Variants in GLS observed in about 807,000 individuals in gnomAD.
GLS encodes the protein glutaminase kidney isoform, mitochondrial.
A neutral mutation model predicts 86.7 loss-of-function variants in GLS; 36 were observed. That is an observed-to-expected ratio of 0.42 (90% CI 0.32 to 0.55). The LOEUF (loss-of-function observed/expected upper bound fraction) is 0.55. Among genes scored for constraint, GLS ranks in the 20% least tolerant of loss-of-function variants. The pLI is 0.17. For synonymous variants in GLS, 317 were observed against 305.9 expected (o/e 1.04, Z -0.38); for missense variants, 528 against 833.4 (o/e 0.63, Z 4.51).
Position 190,923,945 on chromosome 2 carries a change from C to A in GLS, c.1159C>A (p.Arg387=). The A allele has an allele frequency of 1.3e-6, 2 of 1,566,066 alleles. No individual in the cohort carries two copies. The highest frequency in any genetic ancestry group is 1.2e-5 in the South Asian group (1 of 86,396). Residue 387 remains arginine, a synonymous_variant, in exon 10 of 18, where the codon CGA becomes AGA. Coordinates refer to ENST00000320717, the MANE Select transcript of GLS (RefSeq NM_014905.5). Reference sequence around the variant, plus strand: ...TCAGTCTGAAAGAGAAAGTGGAGATCGAAATTTTGCAATAGGATATTACTT... The same window carrying A: ...TCAGTCTGAAAGAGAAAGTGGAGATAGAAATTTTGCAATAGGATATTACTT... ...TFQSERESGD[R]NFAIGYYLKE...
At chr2:190,918,667 A>G (rs1255565929) in intron 7 of GLS, among the ~76,000 whole-genome samples, 1 of 152,184 alleles carries the variant, frequency 6.6e-6, no homozygotes, top group Non-Finnish European at 1.5e-5. Context: ...ACTTTGGTGC[A>G]AGAGGCTCAA....
chr2:190,900,427 C>A (rs1688898769), intron 3 of GLS, 137 bp from the exon 4 acceptor site: 1 of 460,696 alleles, frequency 2.2e-6, no homozygotes, highest in Admixed American at 3.7e-5. Context: ...ATGTAGAAAG[C>A]ATAATTTATA....
rs149144859 is a variant in GLS, at chr2:190,909,443, C to A, written c.980-820C>A. ...CCCTGTGTAACTGAAATTATGTGTC[C>A]TTTGACCAACATCTGGCAATCCCTT... is the stretch of plus-strand genomic sequence containing the variant. On this transcript the variant is annotated intron_variant, in intron 6 of 17. Coordinates refer to ENST00000320717, the MANE Select transcript of GLS (RefSeq NM_014905.5). 9.9e-5 allele frequency among the ~76,000 whole-genome samples: 15 copies of A among 152,070 alleles called. No individual in the cohort carries two copies. The East Asian group carries it at 2.9e-3, about 29-fold the overall frequency.
intron 17 of GLS, among the ~76,000 whole-genome samples, chr2:190,957,054 A>G (rs1690875917): frequency 6.6e-6 from 1 of 152,098 alleles, no homozygotes; most frequent in Non-Finnish European, 1.5e-5. Context: ...CTGCAAACAG[A>G]GACAATTTGA....
At chr2:190,884,812 G>A (rs535194642) in intron 1 of GLS, among the ~76,000 whole-genome samples, 1 of 152,238 alleles carries the variant, frequency 6.6e-6, no homozygotes, top group South Asian at 2.1e-4. Context: ...ACAACAATGA[G>A]GTCACTTTCC....
At chr2:190,889,690 C>T (rs536770549) in intron 1 of GLS, among the ~76,000 whole-genome samples, 32 of 152,242 alleles carry the variant, frequency 2.1e-4, no homozygotes, top group Non-Finnish European at 3.8e-4. Context: ...TCTTCCCACC[C>T]GAGACAGCCA....
At chr2:190,885,408 T>C (rs1473186784) in intron 1 of GLS, among the ~76,000 whole-genome samples, 1 of 152,198 alleles carries the variant, frequency 6.6e-6, no homozygotes, top group Non-Finnish European at 1.5e-5. Flanking sequence ...TGGGCTGGTC[T>C]TGAACTCCTG....
chr2:190,895,203 A>T lies in GLS; in HGVS notation c.438A>T (p.Thr146=). Residue 146 remains threonine, a synonymous_variant, in exon 2 of 18, where the codon ACA becomes ACT. Transcript: ENST00000320717. The surrounding 1 kb of genome is among the most constrained non-coding windows in gnomAD (Gnocchi z 4.2). ...GCTTGGAAGATTTGCTGTTCTATAC[A>T]ATTGCTGAAGGACAAGAGAAAATAC... ...LPSLEDLLFY[T]IAEGQEKIPV... is the part of the protein sequence containing the mutation. The T allele has an allele frequency of 6.4e-7, 1 of 1,555,048 alleles. No homozygotes were observed. The highest frequency in any genetic ancestry group is 8.9e-7 in the Non-Finnish European group (1 of 1,129,432).
At chr2:190,941,568 A>AAG (rs869184014) in intron 14 of GLS, among the ~76,000 whole-genome samples, 1 of 23,776 alleles carries the variant, frequency 4.2e-5, no homozygotes, top group Non-Finnish European at 1.2e-4. Flanking sequence ...GTACAATAAG[A>AAG]ACTTGTTTTG....
At chr2:190,903,750 G>A (rs1689032752) in intron 5 of GLS, among the ~76,000 whole-genome samples, 1 of 152,080 alleles carries the variant, frequency 6.6e-6, no homozygotes, top group African/African-American at 2.4e-5. Context: ...TTTTTAGAAT[G>A]ATTGTCAAGT....
chr2:190,962,269 C>T lies in GLS; in HGVS notation c.1854-561C>T, dbSNP rs1375519543. Among the ~76,000 whole-genome samples the T allele has an allele frequency of 6.6e-6, 1 of 152,152 alleles. No individual in the cohort carries two copies. The highest frequency in any genetic ancestry group is 1.9e-4 in the East Asian group (1 of 5,196). ...AGTGGTCCGATTGAGTCCATGGCTT[C>T]CCAGCCTTACCAGAGGTGATAAAAA... On this transcript the variant is annotated intron_variant, in intron 17 of 17. Transcript: ENST00000320717. The surrounding 1 kb of genome is among the most constrained non-coding windows in gnomAD (Gnocchi z 4.2).
intron 1 of GLS, among the ~76,000 whole-genome samples, chr2:190,886,659 T>C (rs1481924631): frequency 6.6e-6 from 1 of 152,212 alleles, no homozygotes; most frequent in East Asian, 1.9e-4. Flanking sequence ...CTCATGCCCG[T>C]AATCCCAGCA....
Position 190,908,097 on chromosome 2 carries a change from C to T in GLS, c.980-2166C>T, listed in dbSNP as rs1274274993. Among the ~76,000 whole-genome samples, 3 of 152,152 alleles carry T rather than the reference C, an allele frequency of 2.0e-5. No homozygotes were observed. The East Asian group carries it at 5.8e-4, about 29-fold the overall frequency. ...TCCTCAATGGGCACTGCACATTCTT[C>T]GTAACCATATATATCCCAACCAGAT... On this transcript the variant is annotated intron_variant, in intron 6 of 17. Transcript: ENST00000320717.
chr2:190,881,738 G>T lies in GLS; in HGVS notation c.386+268G>T, dbSNP rs866610340. On this transcript the variant is annotated intron_variant, in intron 1 of 17. Coordinates refer to ENST00000320717, the MANE Select transcript of GLS (RefSeq NM_014905.5). The stretch of plus-strand genomic sequence containing the variant: ...GTGGGGCCGCGGTGGGGCCTGATGG[G>T]CTCGCCTGGCGTCCCCAGCGCCAGA... Among the ~76,000 whole-genome samples the T allele has an allele frequency of 3.9e-5, 6 of 152,244 alleles. 1 individual carries two copies. The highest frequency in any genetic ancestry group is 6.9e-3 in the Middle Eastern group (2 of 290).
At chr2:190,941,326 A>T (rs1189930412) in intron 14 of GLS, among the ~76,000 whole-genome samples, 1 of 152,194 alleles carries the variant, frequency 6.6e-6, no homozygotes, top group East Asian at 1.9e-4. Flanking sequence ...ATGCCATATG[A>T]TGCTATTTTT....
rs963994913 is a variant in GLS at position 190,935,596 on chromosome 2, T to G, written c.1650+3959T>G. On this transcript the variant is annotated intron_variant, in intron 14 of 17. Coordinates refer to ENST00000320717, the MANE Select transcript of GLS (RefSeq NM_014905.5). The surrounding 1 kb of genome is among the most constrained non-coding windows in gnomAD (Gnocchi z 4.2). Reference sequence around the variant, plus strand: ...TTTTTTTGGTGGTTTTTCCATTTGGTAACTTTAAAAAAAGTGCAACCCTAT... The same window carrying G: ...TTTTTTTGGTGGTTTTTCCATTTGGGAACTTTAAAAAAAGTGCAACCCTAT... 1.3e-5 allele frequency among the ~76,000 whole-genome samples: 2 copies of G among 151,314 alleles called. No individual in the cohort carries two copies. The highest frequency in any genetic ancestry group is 2.4e-5 in the African/African-American group (1 of 41,396).
In GLS at chr2:190,921,118, C is replaced by T; in HGVS notation, c.1072-27C>T. On this transcript the variant is annotated intron_variant, in intron 8 of 17. Transcript: ENST00000320717. The surrounding 1 kb of genome is among the most constrained non-coding windows in gnomAD (Gnocchi z 4.2). The stretch of plus-strand genomic sequence containing the variant: ...TCTCTATATATTTGTTTTTTGATTA[C>T]TAATATTCCCTACTTTTGGTTTCTA... 1 of 1,585,912 alleles carries T rather than the reference C, an allele frequency of 6.3e-7. No individual in the cohort carries two copies. Among genetic ancestry groups the T allele is most frequent in the Non-Finnish European group, 8.7e-7 (1 of 1,154,976 alleles).
Position 190,905,986 on chromosome 2 carries a change from CATT to C in GLS, c.979+823_979+825del. ...TAAAAAATGAAATGTGCCTTATACT[CATT>C]ATTTTATTAGTTTGTAAGATGAAGT... On this transcript the variant is annotated intron_variant, in intron 6 of 17. Coordinates refer to ENST00000320717, the MANE Select transcript of GLS (RefSeq NM_014905.5). This position sits in a 1 kb window ranked among gnomAD's most constrained non-coding sequence, Gnocchi z 4.6. Among the ~76,000 whole-genome samples the C allele has an allele frequency of 6.6e-6, 1 of 151,830 alleles. No homozygotes were observed. Among genetic ancestry groups the C allele is most frequent in the Middle Eastern group, 3.4e-3 (1 of 292 alleles).
chr2:190,887,100 C>A (rs1044590143), intron 1 of GLS, among the ~76,000 whole-genome samples: 2 of 152,070 alleles, frequency 1.3e-5, no homozygotes, highest in South Asian at 4.2e-4. Context: ...CCTGTCTGTG[C>A]CTTTTCACCT....
Sources: allele counts gnomAD v4.1 joint callset (sites outside exome capture counted in the v4.1 genomes callset), GRCh38; gene constraint gnomAD v4.1.1; non-coding constraint Gnocchi (gnomAD v3.1); transcripts MANE v1.5; gene names NCBI Gene and HGNC (gene_info 2026-07-23, HGNC 2026-07-21).